The following MAP2K1 variants were observed in gnomAD, a reference collection of about 807,000 sequenced individuals.
The protein encoded by MAP2K1 is dual specificity mitogen-activated protein kinase kinase 1.
A neutral mutation model predicts 46.3 loss-of-function variants in MAP2K1; 16 were observed. The ratio of observed to expected loss-of-function variants is 0.35; its 90% CI spans 0.23 to 0.52. The LOEUF (loss-of-function observed/expected upper bound fraction) is 0.52. MAP2K1 is among the 20% of genes least tolerant of loss of function. The pLI is 0.94. For missense variants in MAP2K1, 263 were observed against 497.1 expected (o/e 0.53, Z 4.48); for synonymous variants, 183 against 185.6 (o/e 0.99, Z 0.11).
intron 5 of MAP2K1, among the ~76,000 whole-genome samples, chr15:66,481,068 G>A (rs373577485): frequency 1.2e-4 from 18 of 152,244 alleles, no homozygotes; most frequent in African/African-American, 4.1e-4. Flanking sequence ...GGGGATGGGG[G>A]CATCGTTTTG....
At chr15:66,388,172 C>T (rs62013661) in intron 1 of MAP2K1, among the ~76,000 whole-genome samples, 1 of 152,316 alleles carries the variant, frequency 6.6e-6, no homozygotes, top group Non-Finnish European at 1.5e-5. Context: ...AAACCACATG[C>T]TAGGTGCTCC....
At chr15:66,388,608 T>C (rs1232744754) in intron 1 of MAP2K1, among the ~76,000 whole-genome samples, 1 of 152,176 alleles carries the variant, frequency 6.6e-6, no homozygotes. Flanking sequence ...GGTCTTGAAC[T>C]CCTGGACTCT....
At chr15:66,447,122 A>G (rs2140607706) in intron 5 of MAP2K1, among the ~76,000 whole-genome samples, 1 of 152,178 alleles carries the variant, frequency 6.6e-6, no homozygotes, top group African/African-American at 2.4e-5. Flanking sequence ...TGGACAGCTT[A>G]CAAGCCCCGT....
intron 1 of MAP2K1, among the ~76,000 whole-genome samples, chr15:66,428,288 G>GTGTGTGTT (rs2093465001): frequency 8.4e-6 from 1 of 119,386 alleles, no homozygotes; most frequent in Non-Finnish European, 1.8e-5. Context: ...GTGTGTGTGT[G>GTGTGTGTT]TGTGTGTGTG....
intron 1 of MAP2K1, among the ~76,000 whole-genome samples, chr15:66,401,475 A>G (rs1322018446): frequency 1.3e-5 from 2 of 152,126 alleles, no homozygotes; most frequent in Admixed American, 6.5e-5. Context: ...AATTGCATCA[A>G]TTCAGTTTAA....
At chr15:66,440,776 T>C (rs2899718) in intron 3 of MAP2K1, among the ~76,000 whole-genome samples, 1,754 of 152,344 alleles carry the variant, frequency 0.012, 46 homozygotes, top group African/African-American at 0.04. Flanking sequence ...TTTCAGCAGC[T>C]TAAGGCAAGG....
chr15:66,490,378 TG>T (rs766445641), intron 10 of MAP2K1, 123 bp from the exon 11 acceptor site: 1 of 784,926 alleles, frequency 1.3e-6, no homozygotes, highest in Non-Finnish European at 2.3e-6. Context: ...CAGGGGCAGG[TG>T]CCAGGTGCTC....
chr15:66,387,551 A>T lies in MAP2K1; in HGVS notation c.80+124A>T. 3 of 946,066 alleles carry T rather than the reference A, an allele frequency of 3.2e-6. No homozygotes were observed. The East Asian group carries it at 8.0e-5, about 25-fold the overall frequency. The allele number at this position is 946,066 out of a possible 1,614,324, so 58.6% of individuals were successfully genotyped here. On this transcript the variant is annotated intron_variant, in intron 1 of 10. Coordinates refer to ENST00000307102, the MANE Select transcript of MAP2K1 (RefSeq NM_002755.4). ...CGTCTGGGGCTGGCAGGGGGCGAGA[A>T]ACTCCCGGCCGCCGAGGTATCGGTG...
chr15:66,397,398 C>G (rs2093370766), intron 1 of MAP2K1, among the ~76,000 whole-genome samples: 1 of 152,162 alleles, frequency 6.6e-6, no homozygotes, highest in Non-Finnish European at 1.5e-5. Flanking sequence ...AATAAGAAAC[C>G]CATGAGGGAA....
chr15:66,480,857 C>T (rs1112362), intron 5 of MAP2K1, among the ~76,000 whole-genome samples: 1 of 152,076 alleles, frequency 6.6e-6, no homozygotes, highest in Non-Finnish European at 1.5e-5. Flanking sequence ...TCACCAAGTC[C>T]CAGCCTTGGT....
chr15:66,418,282 T>C (rs958703008), intron 1 of MAP2K1, among the ~76,000 whole-genome samples: 1 of 152,174 alleles, frequency 6.6e-6, no homozygotes, highest in Non-Finnish European at 1.5e-5. Flanking sequence ...TTATGTTCCC[T>C]ACCTCCAGAC....
intron 2 of MAP2K1, 39 bp from the exon 3 acceptor site, chr15:66,436,703 CTCTT>C (rs2093488925): frequency 6.3e-7 from 1 of 1,592,836 alleles, no homozygotes; most frequent in Non-Finnish European, 8.6e-7. Context: ...CCCTTCCTCC[CTCTT>C]TCTTTCATAA....
intron 3 of MAP2K1, among the ~76,000 whole-genome samples, chr15:66,437,596 T>A (rs903430127): frequency 6.6e-6 from 1 of 152,172 alleles, no homozygotes; most frequent in African/African-American, 2.4e-5. Context: ...GTCTCTCAGC[T>A]CCTACCCCAT....
intron 3 of MAP2K1, among the ~76,000 whole-genome samples, chr15:66,438,234 G>A (rs534553545): frequency 4.6e-5 from 7 of 151,370 alleles, no homozygotes; most frequent in African/African-American, 1.5e-4. Context: ...TTACAGGTGC[G>A]CACCACCACG....
chr15:66,458,930 A>T (rs1414517911), intron 5 of MAP2K1, among the ~76,000 whole-genome samples: 1 of 152,086 alleles, frequency 6.6e-6, no homozygotes, highest in Non-Finnish European at 1.5e-5. Context: ...TGTGCCTCAA[A>T]AGTGTTCCTT....
chr15:66,392,279 T>TTTTTTTTTTTTTTTTGA (rs1555412519), intron 1 of MAP2K1, among the ~76,000 whole-genome samples: 1 of 133,418 alleles, frequency 7.5e-6, no homozygotes, highest in African/African-American at 2.7e-5. Context: ...TTTTTTTTTT[T>TTTTTTTTTTTTTTTTGA]AAGAAAGGGT....
At chr15:66,436,183 T>TG (rs1399019745) in intron 2 of MAP2K1, among the ~76,000 whole-genome samples, 1 of 152,232 alleles carries the variant, frequency 6.6e-6, no homozygotes, top group Non-Finnish European at 1.5e-5. Context: ...ACTGCATCCA[T>TG]GTTCTCTGAC....
chr15:66,461,608 G>A (rs1290396059), intron 5 of MAP2K1, among the ~76,000 whole-genome samples: 5 of 152,034 alleles, frequency 3.3e-5, no homozygotes, highest in Admixed American at 3.3e-4. Flanking sequence ...AAACAAACAC[G>A]ATGGAATTTT....
At chr15:66,489,483 G>C (rs939010146) in intron 9 of MAP2K1, 1 of 666,512 alleles carries the variant, frequency 1.5e-6, no homozygotes, top group Non-Finnish European at 2.7e-6. Flanking sequence ...TGTAGTAGCT[G>C]CTCCTTTTGG....
Sources: allele counts gnomAD v4.1 joint callset (sites outside exome capture counted in the v4.1 genomes callset), GRCh38; gene constraint gnomAD v4.1.1; transcripts MANE v1.5; gene names NCBI Gene and HGNC (gene_info 2026-07-23, HGNC 2026-07-21).